Variants in STIM1 observed in about 807,000 individuals in gnomAD.
STIM1 encodes the protein stromal interaction molecule 1.
Under a neutral mutation model 74.7 loss-of-function variants are expected in STIM1, and 25 were observed. That is an observed-to-expected ratio of 0.33 (90% confidence interval 0.24 to 0.47). The LOEUF (loss-of-function observed/expected upper bound fraction) is 0.47, where lower values mean the gene tolerates loss of function less well. Ranked by LOEUF, STIM1 falls within the 20% of genes least tolerant of loss-of-function variation. The pLI is 1.00. For synonymous variants in STIM1, 328 were observed against 348.8 expected (o/e 0.94, Z 0.66); for missense variants, 728 against 920.8 (o/e 0.79, Z 2.71).
intron 1 of STIM1, among the ~76,000 whole-genome samples, chr11:3,932,125 A>T (rs1017665652): frequency 6.6e-6 from 1 of 152,154 alleles, no homozygotes; most frequent in African/African-American, 2.4e-5. Flanking sequence ...CTACTGGACC[A>T]TATCTGTACA....
At chr11:4,036,835 T>A (rs1053590986) in intron 3 of STIM1, among the ~76,000 whole-genome samples, 1 of 152,128 alleles carries the variant, frequency 6.6e-6, no homozygotes, top group Non-Finnish European at 1.5e-5. Flanking sequence ...AAAAGTTTCA[T>A]GATGAAAATG....
At chr11:3,978,399 C>T (rs1199745548) in intron 2 of STIM1, among the ~76,000 whole-genome samples, 4 of 150,608 alleles carry the variant, frequency 2.7e-5, no homozygotes, top group South Asian at 2.1e-4. Context: ...CTGCCCGCCT[C>T]GGCCTCCCAA....
At chr11:4,010,620 T>C (rs2135955288) in intron 2 of STIM1, among the ~76,000 whole-genome samples, 1 of 152,266 alleles carries the variant, frequency 6.6e-6, no homozygotes, top group South Asian at 2.1e-4. Context: ...TTAACCCTAA[T>C]TTTGAGAGGA....
At chr11:3,858,361 T>C (rs1436123220) in intron 1 of STIM1, among the ~76,000 whole-genome samples, 2 of 152,136 alleles carry the variant, frequency 1.3e-5, no homozygotes, top group Non-Finnish European at 2.9e-5. Flanking sequence ...GGCCTGGCTA[T>C]GCTGATTATA....
chr11:3,902,606 G>A (rs2092378067), intron 1 of STIM1, among the ~76,000 whole-genome samples: 1 of 152,196 alleles, frequency 6.6e-6, no homozygotes, highest in Admixed American at 6.5e-5. Context: ...CGGAGCTCAG[G>A]CAGTAATGCT....
chr11:4,078,569 C>CT (rs769040845), intron 7 of STIM1, among the ~76,000 whole-genome samples: 468 of 141,886 alleles, frequency 3.3e-3, no homozygotes, highest in African/African-American at 3.9e-3. Context: ...TAGGACTCTA[C>CT]TTTTTTTTTT....
intron 2 of STIM1, among the ~76,000 whole-genome samples, chr11:4,012,398 G>A (rs779331603): frequency 2.0e-5 from 3 of 151,978 alleles, no homozygotes; most frequent in Non-Finnish European, 4.4e-5. Context: ...CTTTTATTTC[G>A]TTGAGCAGTT....
intron 7 of STIM1, 113 bp from the exon 8 acceptor site, chr11:4,082,071 C>T (rs566388420): frequency 4.7e-5 from 55 of 1,165,028 alleles, no homozygotes; most frequent in African/African-American, 1.4e-4. Context: ...TACCTTTTCT[C>T]CTTCCTGGGA....
At chr11:4,017,086 C>T (rs552563743) in intron 2 of STIM1, among the ~76,000 whole-genome samples, 10 of 152,282 alleles carry the variant, frequency 6.6e-5, no homozygotes, top group African/African-American at 2.2e-4. Flanking sequence ...CACCCACTGT[C>T]CAACCAGTCC....
At chr11:4,029,349 C>T (rs2094027568) in intron 3 of STIM1, among the ~76,000 whole-genome samples, 1 of 151,936 alleles carries the variant, frequency 6.6e-6, no homozygotes, top group Non-Finnish European at 1.5e-5. Flanking sequence ...CTTCATTCAA[C>T]CTTGTTTGAT....
chr11:4,028,565 C>T (rs918619676), intron 3 of STIM1, among the ~76,000 whole-genome samples: 9 of 151,860 alleles, frequency 5.9e-5, no homozygotes, highest in South Asian at 2.1e-4. Flanking sequence ...TGAACCCCCA[C>T]GCCCGGCTAA....
Position 3,895,691 on chromosome 11 carries a change from T to C in STIM1, c.139+39282T>C, listed in dbSNP as rs1331265759. ...CTTTCTTTCCTTCCTTCCTTCTTTCTTTCTTTCTTTCTTTCTTTCTTTCTT... is the reference window on the plus strand; with the variant it reads ...CTTTCTTTCCTTCCTTCCTTCTTTCCTTCTTTCTTTCTTTCTTTCTTTCTT... On this transcript the variant is annotated intron_variant, in intron 1 of 12. Coordinates refer to ENST00000526596, the MANE Select transcript of STIM1 (RefSeq NM_001382567.1). 3.6e-3 allele frequency among the ~76,000 whole-genome samples: 122 copies of C among 33,732 alleles called. 3 individuals are homozygous for C. The highest frequency in any genetic ancestry group is 0.018 in the Middle Eastern group (2 of 110). The allele number at this position is 33,732 out of a possible 152,430, so 22.1% of individuals were successfully genotyped here.
chr11:4,025,366 T>A (rs1471832749), intron 3 of STIM1, among the ~76,000 whole-genome samples: 1 of 152,172 alleles, frequency 6.6e-6, no homozygotes, highest in Non-Finnish European at 1.5e-5. Context: ...GAAGAAAAAT[T>A]AGGCAGCTGT....
At chr11:3,984,820 A>G (rs1305258540) in intron 2 of STIM1, among the ~76,000 whole-genome samples, 1 of 152,222 alleles carries the variant, frequency 6.6e-6, no homozygotes, top group East Asian at 1.9e-4. Flanking sequence ...ACTCTTTGCC[A>G]TGAACAAGCC....
chr11:4,079,578 A>T (rs534665048), intron 7 of STIM1, among the ~76,000 whole-genome samples: 121 of 152,212 alleles, frequency 7.9e-4, no homozygotes, highest in Non-Finnish European at 1.5e-3. Context: ...CATCTCAAAA[A>T]AAAAATAAAA....
intron 1 of STIM1, among the ~76,000 whole-genome samples, chr11:3,927,524 C>A (rs1427792272): frequency 6.6e-6 from 1 of 152,212 alleles, no homozygotes; most frequent in Non-Finnish European, 1.5e-5. Context: ...TTACTTGTAA[C>A]CTTTTTCGCA....
chr11:3,866,373 A>G (rs565413449), intron 1 of STIM1, among the ~76,000 whole-genome samples: 18 of 151,698 alleles, frequency 1.2e-4, no homozygotes, highest in African/African-American at 4.4e-4. Context: ...TACTATCTGC[A>G]GTGCTCTCTG....
At chr11:4,086,865 T>G (rs2094496954) in intron 12 of STIM1, 1 of 1,528,648 alleles carries the variant, frequency 6.5e-7, no homozygotes. Flanking sequence ...GCTTGGGGTA[T>G]CAGCTGTCTC....
chr11:3,988,300 A>G (rs2093576404), intron 2 of STIM1, among the ~76,000 whole-genome samples: 2 of 152,206 alleles, frequency 1.3e-5, no homozygotes. Context: ...AGGGATCAGC[A>G]AACTGTTTTT....
Sources: gnomAD v4.1 joint callset for allele counts (sites outside exome capture counted in the v4.1 genomes callset) on GRCh38, gnomAD v4.1.1 for gene constraint, MANE v1.5 for transcripts, NCBI Gene and HGNC (gene_info 2026-07-23, HGNC 2026-07-21) for gene names.